BBS9: variants seen among roughly 807,000 people sequenced by gnomAD.
BBS9 encodes Bardet-Biedl syndrome 9, also known as protein PTHB1.
BBS9 carries 89 observed loss-of-function variants against 117.7 expected under a neutral mutation model. That is an observed-to-expected ratio of 0.76 (90% confidence interval 0.64 to 0.90). The LOEUF is 0.90. BBS9 is among the 40% of genes least tolerant of loss of function. The pLI is 0.00. For missense variants in BBS9, 982 were observed against 1,042.2 expected (o/e 0.94, Z 0.80); for synonymous variants, 379 against 370.9 (o/e 1.02, Z -0.25).
chr7:33,593,046 T>C (rs1862188892), intron 21 of BBS9, among the ~76,000 whole-genome samples: 1 of 152,164 alleles, frequency 6.6e-6, no homozygotes, highest in African/African-American at 2.4e-5. Context: ...AGGAAAGTAT[T>C]TGAAATGGAA....
chr7:33,205,295 A>G (rs187191126), intron 5 of BBS9, among the ~76,000 whole-genome samples: 2 of 152,160 alleles, frequency 1.3e-5, no homozygotes, highest in African/African-American at 4.8e-5. Flanking sequence ...GTGCTTGTTC[A>G]TTATGAGAAA....
At chr7:33,586,447 G>A (rs1563406156) in intron 21 of BBS9, among the ~76,000 whole-genome samples, 1 of 152,042 alleles carries the variant, frequency 6.6e-6, no homozygotes, top group Non-Finnish European at 1.5e-5. Context: ...ACTGTAGGTA[G>A]GAATGTGAAT....
At chr7:33,436,708 G>A (rs1214722871) in intron 19 of BBS9, among the ~76,000 whole-genome samples, 2 of 152,202 alleles carry the variant, frequency 1.3e-5, no homozygotes, top group Admixed American at 1.3e-4. Context: ...ATAACGCTGT[G>A]TTGCAATTAC....
intron 21 of BBS9, among the ~76,000 whole-genome samples, chr7:33,553,449 C>G (rs1299748541): frequency 6.6e-6 from 1 of 152,158 alleles, no homozygotes; most frequent in Non-Finnish European, 1.5e-5. Flanking sequence ...GACCTGTCTA[C>G]TATATATTTT....
intron 5 of BBS9, among the ~76,000 whole-genome samples, chr7:33,248,680 A>T (rs1795751475): frequency 6.6e-6 from 1 of 152,168 alleles, no homozygotes; most frequent in Admixed American, 6.6e-5. Context: ...TTTTTGAGGT[A>T]GGTTTGCAAT....
chr7:33,307,181 A>T (rs1167636863), intron 9 of BBS9, among the ~76,000 whole-genome samples: 2 of 152,186 alleles, frequency 1.3e-5, no homozygotes, highest in African/African-American at 4.8e-5. Context: ...CAGTAACAAA[A>T]ATAAGATTTT....
intron 19 of BBS9, among the ~76,000 whole-genome samples, chr7:33,494,184 G>C (rs1200601963): frequency 6.6e-6 from 1 of 152,012 alleles, no homozygotes; most frequent in Non-Finnish European, 1.5e-5. Flanking sequence ...GACATTTTTT[G>C]GTTGTCACAA....
At chr7:33,145,789 G>A (rs1207235261) in intron 1 of BBS9, among the ~76,000 whole-genome samples, 4 of 152,152 alleles carry the variant, frequency 2.6e-5, no homozygotes, top group Non-Finnish European at 4.4e-5. Context: ...TTGAGCATCT[G>A]GGGATTTTTC....
At chr7:33,391,089 C>T (rs547267732) in intron 19 of BBS9, among the ~76,000 whole-genome samples, 3 of 152,134 alleles carry the variant, frequency 2.0e-5, no homozygotes, top group Admixed American at 6.5e-5. Context: ...AATCCTTTTT[C>T]GACAACTCTC....
intron 21 of BBS9, among the ~76,000 whole-genome samples, chr7:33,547,973 G>A (rs943733766): frequency 1.3e-5 from 2 of 152,194 alleles, no homozygotes; most frequent in African/African-American, 4.8e-5. Context: ...AGGAGCAACT[G>A]TAGGGAAAGG....
chr7:33,130,507 C>T (rs1206351738), intron 1 of BBS9, among the ~76,000 whole-genome samples: 2 of 152,134 alleles, frequency 1.3e-5, no homozygotes, highest in African/African-American at 4.8e-5. Flanking sequence ...ACTTCAATTT[C>T]CTGGAGAAAT....
intron 5 of BBS9, among the ~76,000 whole-genome samples, chr7:33,223,443 A>C (rs1030134904): frequency 5.3e-5 from 8 of 152,188 alleles, no homozygotes; most frequent in African/African-American, 1.7e-4. Flanking sequence ...GTTGTCTAAC[A>C]ACAACTTTCT....
chr7:33,371,975 G>A (rs534447896), intron 17 of BBS9, among the ~76,000 whole-genome samples: 1 of 152,210 alleles, frequency 6.6e-6, no homozygotes. Flanking sequence ...CCAAATCTGA[G>A]ATGGTAAGGA....
intron 4 of BBS9, among the ~76,000 whole-genome samples, chr7:33,164,921 C>A (rs1043495206): frequency 1.3e-5 from 2 of 152,132 alleles, no homozygotes; most frequent in Non-Finnish European, 2.9e-5. Flanking sequence ...TTCTTCCTAG[C>A]ATCGATGGTC....
intron 5 of BBS9, among the ~76,000 whole-genome samples, chr7:33,215,115 C>T (rs1788804199): frequency 6.6e-6 from 1 of 152,190 alleles, no homozygotes; most frequent in Admixed American, 6.5e-5. Context: ...TGGTGTGAAC[C>T]CGAGAGGCAG....
At chr7:33,204,359 A>C (rs1786502738) in intron 5 of BBS9, among the ~76,000 whole-genome samples, 1 of 151,500 alleles carries the variant, frequency 6.6e-6, no homozygotes, top group African/African-American at 2.4e-5. Flanking sequence ...GTGAGTCGAG[A>C]TAACACCACT....
chr7:33,521,896 C>A (rs1363123630), intron 20 of BBS9, among the ~76,000 whole-genome samples: 1 of 112,382 alleles, frequency 8.9e-6, no homozygotes, highest in Non-Finnish European at 1.8e-5. Flanking sequence ...TCCCTCCCCC[C>A]TCCCCCCACC....
At position 33,605,225 on chromosome 7, in the gene BBS9, A is replaced by T. The variant is rs1205141608; in HGVS notation, c.2663A>T (p.Ter888LeuextTer3). 25 of 1,612,526 alleles carry T rather than the reference A, an allele frequency of 1.6e-5. No homozygotes were observed. Among genetic ancestry groups the T allele is most frequent in the Non-Finnish European group, 2.1e-5 (25 of 1,178,688 alleles). Residue 888 changes from the stop codon to leucine (L), a stop_lost, in exon 23 of 23, where the codon TAA becomes TTA. Coordinates refer to ENST00000242067, the MANE Select transcript of BBS9 (RefSeq NM_198428.3). Reference sequence around the variant, plus strand: ...TCACCCCTCCAAGGAGTCTCGGAATAATTCAAGTAGAGTTGTTTGGTTGAG... The same window carrying T: ...TCACCCCTCCAAGGAGTCTCGGAATTATTCAAGTAGAGTTGTTTGGTTGAG... ...EVSPLQGVSE[*>L]
At chr7:33,139,119 G>T (rs1447189659) in intron 1 of BBS9, among the ~76,000 whole-genome samples, 1 of 151,128 alleles carries the variant, frequency 6.6e-6, no homozygotes, top group South Asian at 2.1e-4. Context: ...GGGCGTGGTG[G>T]CGCATGCCTG....
Sources: allele counts gnomAD v4.1 joint callset (sites outside exome capture counted in the v4.1 genomes callset), GRCh38; gene constraint gnomAD v4.1.1; transcripts MANE v1.5; gene names NCBI Gene and HGNC (gene_info 2026-07-23, HGNC 2026-07-21).